Variants in STAU2 observed in about 807,000 individuals in gnomAD.
STAU2 encodes the protein staufen double-stranded RNA binding protein 2, also known as double-stranded RNA-binding protein Staufen homolog 2.
Under a neutral mutation model 65.9 loss-of-function variants are expected in STAU2, and 20 were observed. The observed-to-expected ratio is 0.30, with a 90% CI of 0.21 to 0.44. The LOEUF (loss-of-function observed/expected upper bound fraction) is 0.44, where lower values mean the gene tolerates loss of function less well. Among genes scored for constraint, STAU2 ranks in the 20% least tolerant of loss-of-function variants. The probability of loss-of-function intolerance (pLI) is 1.00; values close to 1 mark genes in which losing one functional copy is unlikely to be tolerated. For synonymous variants in STAU2, 232 were observed against 233.9 expected (o/e 0.99, Z 0.07); for missense variants, 558 against 683.9 (o/e 0.82, Z 2.05).
chr8:73,650,739 C>T (rs1486212260), intron 6 of STAU2, among the ~76,000 whole-genome samples: 1 of 152,156 alleles, frequency 6.6e-6, no homozygotes, highest in African/African-American at 2.4e-5. Flanking sequence ...AAGAAAAATA[C>T]TGTGCAATCC....
intron 13 of STAU2, among the ~76,000 whole-genome samples, chr8:73,504,433 C>A (rs1415429957): frequency 2.6e-5 from 4 of 152,114 alleles, no homozygotes; most frequent in Non-Finnish European, 4.4e-5. Context: ...AAAATCAACA[C>A]AAGTTGTAGA....
At chr8:73,691,492 A>T (rs1819318234) in intron 4 of STAU2, among the ~76,000 whole-genome samples, 1 of 152,026 alleles carries the variant, frequency 6.6e-6, no homozygotes, top group African/African-American at 2.4e-5. Context: ...CTCATGAGCC[A>T]GACACCTTTG....
chr8:73,603,013 T>A (rs1811755600), intron 10 of STAU2, among the ~76,000 whole-genome samples: 1 of 152,174 alleles, frequency 6.6e-6, no homozygotes, highest in South Asian at 2.1e-4. Context: ...TGTGTTTGAG[T>A]GATGGGCATA....
intron 6 of STAU2, among the ~76,000 whole-genome samples, chr8:73,640,893 A>G (rs1814909264): frequency 6.6e-6 from 1 of 152,202 alleles, no homozygotes; most frequent in African/African-American, 2.4e-5. Context: ...TGCCAAAATA[A>G]TGACGGAATC....
At chr8:73,660,423 C>T (rs879286209) in intron 6 of STAU2, among the ~76,000 whole-genome samples, 6 of 152,130 alleles carry the variant, frequency 3.9e-5, no homozygotes, top group African/African-American at 1.4e-4. Flanking sequence ...AGCGAGACAC[C>T]GGCTCAGGAC....
chr8:73,716,243 C>G (rs1050131840), intron 3 of STAU2, among the ~76,000 whole-genome samples: 1 of 151,990 alleles, frequency 6.6e-6, no homozygotes, highest in African/African-American at 2.4e-5. Flanking sequence ...CGCCCGCCAC[C>G]ACGCCCAGCT....
intron 13 of STAU2, among the ~76,000 whole-genome samples, chr8:73,451,068 C>T (rs940900509): frequency 4.6e-5 from 7 of 152,194 alleles, no homozygotes; most frequent in South Asian, 2.1e-4. Flanking sequence ...CACACGCTGC[C>T]GGCAAAGCCT....
intron 4 of STAU2, among the ~76,000 whole-genome samples, chr8:73,696,607 C>T (rs1023934812): frequency 6.6e-6 from 1 of 152,142 alleles, no homozygotes; most frequent in African/African-American, 2.4e-5. Context: ...ATGAGGACTA[C>T]ATCAAAGTCT....
At chr8:73,608,467 C>T (rs769519006) in intron 9 of STAU2, among the ~76,000 whole-genome samples, 1 of 151,632 alleles carries the variant, frequency 6.6e-6, no homozygotes, top group Non-Finnish European at 1.5e-5. Flanking sequence ...ATTAGCCACG[C>T]GTGGTGGCGC....
At chr8:73,575,246 T>C (rs1227172086) in intron 12 of STAU2, among the ~76,000 whole-genome samples, 2 of 151,836 alleles carry the variant, frequency 1.3e-5, no homozygotes. Flanking sequence ...ACCAAATACA[T>C]AGTCTCATTC....
intron 9 of STAU2, among the ~76,000 whole-genome samples, chr8:73,608,926 C>T (rs1032126162): frequency 6.6e-6 from 1 of 151,986 alleles, no homozygotes; most frequent in African/African-American, 2.4e-5. Context: ...TGCAGTGAGC[C>T]GAGACAGTGC....
chr8:73,521,725 G>C (rs1209556562), intron 13 of STAU2, among the ~76,000 whole-genome samples: 1 of 152,146 alleles, frequency 6.6e-6, no homozygotes, highest in Non-Finnish European at 1.5e-5. Context: ...TGATCATGAG[G>C]AAAAACAACT....
intron 3 of STAU2, among the ~76,000 whole-genome samples, chr8:73,737,398 C>T (rs1806511244): frequency 6.7e-6 from 1 of 149,842 alleles, no homozygotes; most frequent in East Asian, 2.0e-4. Flanking sequence ...CTCGGACTCC[C>T]GACCTCAGGT....
At chr8:73,563,453 G>T (rs1331389874) in intron 12 of STAU2, among the ~76,000 whole-genome samples, 1 of 152,134 alleles carries the variant, frequency 6.6e-6, no homozygotes, top group African/African-American at 2.4e-5. Flanking sequence ...CAGGGCTGGG[G>T]GTAGGGGAAA....
At chr8:73,669,425 T>C (rs1383520307) in intron 6 of STAU2, among the ~76,000 whole-genome samples, 3 of 152,126 alleles carry the variant, frequency 2.0e-5, no homozygotes, top group African/African-American at 7.2e-5. Context: ...ATCTTGGAAC[T>C]AGAAACTGCC....
chr8:73,428,527 A>G (rs1817009202), intron 13 of STAU2, among the ~76,000 whole-genome samples: 1 of 150,060 alleles, frequency 6.7e-6, no homozygotes, highest in African/African-American at 2.5e-5. Context: ...ACAGAGGGCT[A>G]CTGAGAGCCA....
At chr8:73,671,421 C>T (rs1402994531) in intron 6 of STAU2, among the ~76,000 whole-genome samples, 1 of 151,540 alleles carries the variant, frequency 6.6e-6, no homozygotes, top group Non-Finnish European at 1.5e-5. Flanking sequence ...AAAAACACTA[C>T]TTTTTAACTA....
chr8:73,598,394 A>AT (rs1398498799), intron 10 of STAU2, among the ~76,000 whole-genome samples: 18 of 151,956 alleles, frequency 1.2e-4, no homozygotes, highest in African/African-American at 4.4e-4. Flanking sequence ...TGCCCGGCTA[A>AT]TTTTTTGTAT....
At chr8:73,616,018 T>A (rs1812812783) in intron 7 of STAU2, among the ~76,000 whole-genome samples, 1 of 152,200 alleles carries the variant, frequency 6.6e-6, no homozygotes, top group Non-Finnish European at 1.5e-5. Flanking sequence ...ACTTTGGAAA[T>A]CTTTTACTCA....
Sources: allele counts gnomAD v4.1 joint callset (sites outside exome capture counted in the v4.1 genomes callset), GRCh38; gene constraint gnomAD v4.1.1; transcripts MANE v1.5; gene names NCBI Gene and HGNC (gene_info 2026-07-23, HGNC 2026-07-21).